The following SETBP1 variants were observed in gnomAD, a reference collection of about 807,000 sequenced individuals.
SETBP1 encodes the protein SET-binding protein.
SETBP1 carries 9 observed loss-of-function variants against 101.0 expected under a neutral mutation model. That is an observed-to-expected ratio of 0.09 (90% confidence interval 0.05 to 0.16). The LOEUF (loss-of-function observed/expected upper bound fraction) is 0.16. Ranked by LOEUF, SETBP1 falls within the 10% of genes least tolerant of loss-of-function variation. The probability of loss-of-function intolerance (pLI) is 1.00; values close to 1 mark genes in which losing one functional copy is unlikely to be tolerated. For missense variants in SETBP1, 1,858 were observed against 2,033.8 expected, an observed-to-expected ratio of 0.91 and a Z score of 1.66; for synonymous variants, 818 against 788.5, an observed-to-expected ratio of 1.04 and a Z score of -0.63.
intron 3 of SETBP1, among the ~76,000 whole-genome samples, chr18:44,936,588 C>T (rs899075593): frequency 6.6e-6 from 1 of 152,174 alleles, no homozygotes; most frequent in Non-Finnish European, 1.5e-5. Context: ...CCCCTGGAAG[C>T]CTGCTAAAAA....
At chr18:44,717,474 G>A (rs1251097668) in intron 2 of SETBP1, among the ~76,000 whole-genome samples, 4 of 152,218 alleles carry the variant, frequency 2.6e-5, no homozygotes. Flanking sequence ...CTCTCAGATT[G>A]TCTTCTGACT....
intron 4 of SETBP1, among the ~76,000 whole-genome samples, chr18:44,985,021 A>C (rs181635670): frequency 6.6e-6 from 1 of 152,080 alleles, no homozygotes; most frequent in Non-Finnish European, 1.5e-5. Context: ...TGCGCCTATA[A>C]TCCCAGCTAC....
At chr18:44,929,995 G>T (rs966919404) in intron 3 of SETBP1, among the ~76,000 whole-genome samples, 1 of 152,148 alleles carries the variant, frequency 6.6e-6, no homozygotes, top group South Asian at 2.1e-4. Context: ...GGTAAGAGAG[G>T]GCATCCTTGT....
intron 3 of SETBP1, among the ~76,000 whole-genome samples, chr18:44,913,689 A>G (rs781314615): frequency 9.2e-5 from 14 of 152,168 alleles, no homozygotes; most frequent in Non-Finnish European, 1.5e-4. Flanking sequence ...GCCTCCTTGT[A>G]TTGGTGGAGT....
rs142736250 is a variant in SETBP1 at position 45,019,037 on chromosome 18, C to T, written c.4001-19448C>T. Among the ~76,000 whole-genome samples the T allele has an allele frequency of 5.1e-3, 776 of 152,240 alleles. 22 individuals carry two copies. Among genetic ancestry groups the T allele is most frequent in the Admixed American group, 0.044 (674 of 15,284 alleles). The stretch of plus-strand genomic sequence containing the variant: ...GAAAACCATTGGCTTGCCACCCCAC[C>T]ATGTCTTCAATAACAGACAAGCCTT... On this transcript the variant is annotated intron_variant, in intron 4 of 5. Transcript: ENST00000649279.
intron 4 of SETBP1, among the ~76,000 whole-genome samples, chr18:44,963,816 G>A (rs985323362): frequency 7.1e-6 from 1 of 140,150 alleles, no homozygotes; most frequent in Admixed American, 8.1e-5. Flanking sequence ...CTTGAGCCCA[G>A]GAGTTCAAGG....
chr18:44,717,773 G>A (rs1254730760), intron 2 of SETBP1, among the ~76,000 whole-genome samples: 4 of 152,180 alleles, frequency 2.6e-5, no homozygotes, highest in African/African-American at 4.8e-5. Context: ...AGGACCTGAG[G>A]ATTCCCTTAG....
intron 2 of SETBP1, among the ~76,000 whole-genome samples, chr18:44,765,306 AAAG>A (rs1365300487): frequency 1.3e-5 from 2 of 151,772 alleles, no homozygotes; most frequent in African/African-American, 4.8e-5. Flanking sequence ...TTGCAGAAGG[AAAG>A]AAGTTTTCCC....
In SETBP1 at chr18:44,950,956, C is replaced by T. The variant is rs2071333085; in HGVS notation, c.1616C>T (p.Pro539Leu). 1 of 1,614,118 alleles carries T rather than the reference C, an allele frequency of 6.2e-7. No individual in the cohort carries two copies. Among genetic ancestry groups the T allele is most frequent in the Non-Finnish European group, 8.5e-7 (1 of 1,180,016 alleles). ...KRRWTCSKPK[P>L]STMLREAVMA... ...AGGTGGACTTGCAGCAAACCAAAACCTAGCACCATGCTTCGAGAGGCAGTT... is the reference window on the plus strand; with the variant it reads ...AGGTGGACTTGCAGCAAACCAAAACTTAGCACCATGCTTCGAGAGGCAGTT... The change falls in exon 4 of 6, where the codon CCT becomes CTT. Residue 539 changes from proline (P) to leucine (L), a missense_variant. Coordinates refer to ENST00000649279, the MANE Select transcript of SETBP1 (RefSeq NM_015559.3).
At chr18:44,816,988 A>G (rs1599167852) in intron 2 of SETBP1, among the ~76,000 whole-genome samples, 1 of 152,110 alleles carries the variant, frequency 6.6e-6, no homozygotes, top group East Asian at 1.9e-4. Flanking sequence ...GTCAGATGAT[A>G]ATATTGCCCC....
At chr18:45,009,169 C>T (rs1427960191) in intron 4 of SETBP1, among the ~76,000 whole-genome samples, 2 of 152,220 alleles carry the variant, frequency 1.3e-5, no homozygotes, top group Non-Finnish European at 1.5e-5. Flanking sequence ...TCACTCTCAG[C>T]ACTGGGCCCT....
chr18:45,061,633 C>T (rs567299972), intron 5 of SETBP1, among the ~76,000 whole-genome samples: 2 of 152,236 alleles, frequency 1.3e-5, no homozygotes, highest in East Asian at 3.9e-4. Flanking sequence ...AAATAAAACC[C>T]TCCTGGCAAT....
chr18:44,785,584 T>G (rs538133746), intron 2 of SETBP1, among the ~76,000 whole-genome samples: 16 of 152,330 alleles, frequency 1.1e-4, no homozygotes, highest in Admixed American at 4.6e-4. Context: ...AGGAGTATGT[T>G]TATTGATTTT....
intron 2 of SETBP1, among the ~76,000 whole-genome samples, chr18:44,812,408 C>T (rs981597254): frequency 1.3e-5 from 2 of 152,088 alleles, no homozygotes; most frequent in South Asian, 2.1e-4. Flanking sequence ...CTAGATTCCT[C>T]TAGAAAATAG....
At chr18:44,894,130 T>C (rs2069836260) in intron 3 of SETBP1, among the ~76,000 whole-genome samples, 1 of 152,138 alleles carries the variant, frequency 6.6e-6, no homozygotes, top group East Asian at 1.9e-4. Flanking sequence ...CATTTGAGTT[T>C]CCATTCAGCA....
At chr18:44,983,738 A>T in intron 4 of SETBP1, among the ~76,000 whole-genome samples, 1 of 151,972 alleles carries the variant, frequency 6.6e-6, no homozygotes, top group African/African-American at 2.4e-5. Context: ...CCTGCTTGCC[A>T]CTCCATTCCT....
chr18:44,683,625 A>G lies in SETBP1; in HGVS notation c.-173+2604A>G, dbSNP rs142682964. ...AATCTCTGCTCCAAAGCTTCTATAT[A>G]GTATGCAAAAGGAAGCAGATGAGAA... On this transcript the variant is annotated intron_variant, in intron 1 of 5. Transcript: ENST00000649279. Among the ~76,000 whole-genome samples, 549 of 152,312 alleles carry G rather than the reference A, an allele frequency of 3.6e-3. 3 individuals are homozygous for G. The highest frequency in any genetic ancestry group is 0.012 in the African/African-American group (510 of 41,562).
chr18:44,907,933 A>G (rs978222183), intron 3 of SETBP1, among the ~76,000 whole-genome samples: 4 of 152,300 alleles, frequency 2.6e-5, no homozygotes, highest in Admixed American at 2.6e-4. Flanking sequence ...AAATATACTC[A>G]TGTTTTCTTC....
At chr18:44,943,354 C>T (rs2071127593) in intron 3 of SETBP1, among the ~76,000 whole-genome samples, 1 of 152,208 alleles carries the variant, frequency 6.6e-6, no homozygotes, top group South Asian at 2.1e-4. Flanking sequence ...TCACTGGCTA[C>T]AGTTCAGAAA....
Sources: allele counts gnomAD v4.1 joint callset (sites outside exome capture counted in the v4.1 genomes callset), GRCh38; gene constraint gnomAD v4.1.1; transcripts MANE v1.5; gene names NCBI Gene and HGNC (gene_info 2026-07-23, HGNC 2026-07-21).